The following SPIDR variants were observed in gnomAD, a reference collection of about 807,000 sequenced individuals.
The protein encoded by SPIDR is scaffold protein involved in DNA repair, also known as DNA repair-scaffolding protein.
SPIDR carries 93 observed loss-of-function variants against 104.6 expected under a neutral mutation model. The observed-to-expected ratio is 0.89, with a 90% CI of 0.75 to 1.06. The LOEUF (loss-of-function observed/expected upper bound fraction) is 1.06, where lower values mean the gene tolerates loss of function less well. Ranked by LOEUF, SPIDR falls within the 50% of genes least tolerant of loss-of-function variation. The pLI, the probability that SPIDR is intolerant of heterozygous loss-of-function variation, is 0.00. For synonymous variants in SPIDR, 431 were observed against 416.9 expected (o/e 1.03, Z -0.41); for missense variants, 1,154 against 1,111.2 (o/e 1.04, Z -0.55).
At chr8:47,352,693 G>A (rs1362138338) in intron 5 of SPIDR, among the ~76,000 whole-genome samples, 3 of 152,148 alleles carry the variant, frequency 2.0e-5, no homozygotes, top group African/African-American at 7.2e-5. Context: ...TATATAACAA[G>A]GATGGCATTC....
chr8:47,504,329 C>T lies in SPIDR; in HGVS notation c.1097+63787C>T, dbSNP rs894035398. ...TCCCATATTTCTTGGAGGCTTTGTT[C>T]GTTTCTTTTTTTTCTTTTTTCTCTA... On this transcript the variant is annotated intron_variant, in intron 8 of 19. Coordinates refer to ENST00000297423, the MANE Select transcript of SPIDR (RefSeq NM_001080394.4). 4.6e-5 allele frequency among the ~76,000 whole-genome samples: 7 copies of T among 152,084 alleles called. No individual in the cohort carries two copies. In the South Asian group the frequency reaches 6.2e-4, roughly 14 times the overall value.
At chr8:47,321,171 A>G (rs1259614062) in intron 5 of SPIDR, among the ~76,000 whole-genome samples, 1 of 152,210 alleles carries the variant, frequency 6.6e-6, no homozygotes, top group Non-Finnish European at 1.5e-5. Flanking sequence ...TTTGCAGATG[A>G]TACGATTGTA....
At chr8:47,318,246 T>C (rs1201565898) in intron 5 of SPIDR, among the ~76,000 whole-genome samples, 1 of 152,052 alleles carries the variant, frequency 6.6e-6, no homozygotes, top group Non-Finnish European at 1.5e-5. Context: ...GAGAAGTCCT[T>C]AAAGGACCTC....
At chr8:47,592,718 A>C in intron 8 of SPIDR, 1 of 585,944 alleles carries the variant, frequency 1.7e-6, no homozygotes, top group East Asian at 2.9e-5. Context: ...TTAATGTTTT[A>C]TCTGCATACA....
intron 5 of SPIDR, among the ~76,000 whole-genome samples, chr8:47,338,997 G>C (rs2050251449): frequency 6.6e-6 from 1 of 152,170 alleles, no homozygotes; most frequent in African/African-American, 2.4e-5. Context: ...TTGTAGTTTA[G>C]ATAAAAGTAC....
Position 47,279,755 on chromosome 8 carries a change from AT to A in SPIDR, c.34-106del. Reference sequence around the variant, plus strand: ...ACATTCAAAAACTATACCTTTACTGATGCCACTTCTAGGTTTTCAGATTGTA... The same window carrying A: ...ACATTCAAAAACTATACCTTTACTGAGCCACTTCTAGGTTTTCAGATTGTA... On this transcript the variant is annotated intron_variant, in intron 1 of 19. Coordinates refer to ENST00000297423, the MANE Select transcript of SPIDR (RefSeq NM_001080394.4). The A allele has an allele frequency of 2.7e-6, 3 of 1,125,134 alleles. No homozygotes were observed. In the South Asian group the frequency reaches 4.7e-5, roughly 17 times the overall value. 69.7% of individuals were successfully genotyped at this position (1,125,134 alleles called of 1,614,324 possible). A position where few individuals can be genotyped will look rare whatever the true frequency, so the allele number is the denominator to read the frequency against.
At chr8:47,451,683 C>G (rs1313201975) in intron 8 of SPIDR, among the ~76,000 whole-genome samples, 1 of 152,054 alleles carries the variant, frequency 6.6e-6, no homozygotes, top group Non-Finnish European at 1.5e-5. Context: ...AAATTGAACT[C>G]CTTCTGTCTG....
At position 47,440,363 on chromosome 8, in the gene SPIDR, G is replaced by A; in HGVS notation, c.918G>A (p.Leu306=). 4 of 1,614,180 alleles carry A rather than the reference G, an allele frequency of 2.5e-6. No individual in the cohort carries two copies. The highest frequency in any genetic ancestry group is 3.4e-6 in the Non-Finnish European group (4 of 1,180,016). ...SGVLTVKILE[L]HEECAMQVAM... ...TATTAACTGTGAAAATTTTAGAGCTGCATGAGGAATGTGCCATGCAAGTTG... is the reference window on the plus strand; with the variant it reads ...TATTAACTGTGAAAATTTTAGAGCTACATGAGGAATGTGCCATGCAAGTTG... Residue 306 remains leucine (L), a synonymous_variant, in exon 8 of 20, where the codon CTG becomes CTA. Transcript: ENST00000297423.
In SPIDR at chr8:47,702,010, C is replaced by G. The variant is rs751224747; in HGVS notation, c.1972C>G (p.Pro658Ala). 3.1e-6 allele frequency: 5 copies of G among 1,600,296 alleles called. No individual in the cohort carries two copies. The East Asian group carries it at 1.1e-4, about 36-fold the overall frequency. ...CTATGCCACGGTGATTTACCAAAAA[C>G]CACAGGTAATAATCTCTCTCAATCT... ...SFYATVIYQK[P>A]QLKSLLLLEQ... The change falls in exon 14 of 20, where the codon CCA becomes GCA. Residue 658 changes from proline to alanine, a missense_variant. By Grantham distance (27) the Pro-to-Ala change is conservative. Coordinates refer to ENST00000297423, the MANE Select transcript of SPIDR (RefSeq NM_001080394.4).
chr8:47,596,776 A>G (rs1346233953), intron 9 of SPIDR, among the ~76,000 whole-genome samples: 1 of 152,134 alleles, frequency 6.6e-6, no homozygotes, highest in Non-Finnish European at 1.5e-5. Context: ...TTACAACACA[A>G]ATACATTGTA....
At chr8:47,515,335 T>C (rs1220066022) in intron 8 of SPIDR, among the ~76,000 whole-genome samples, 2 of 152,256 alleles carry the variant, frequency 1.3e-5, no homozygotes, top group African/African-American at 2.4e-5. Flanking sequence ...CTTTTTTAAG[T>C]GTGTGTTCTC....
At chr8:47,464,010 A>G (rs1468217572) in intron 8 of SPIDR, among the ~76,000 whole-genome samples, 13 of 152,152 alleles carry the variant, frequency 8.5e-5, no homozygotes, top group African/African-American at 2.4e-4. Context: ...TGACCAAAGC[A>G]CTTAGGCAAG....
At position 47,447,990 on chromosome 8, in the gene SPIDR, A is replaced by G. The variant is rs141569824; in HGVS notation, c.1097+7448A>G. 1.0e-3 allele frequency among the ~76,000 whole-genome samples: 154 copies of G among 152,358 alleles called. 1 individual carries two copies. Among genetic ancestry groups the G allele is most frequent in the African/African-American group, 3.4e-3 (140 of 41,578 alleles). On this transcript the variant is annotated intron_variant, in intron 8 of 19. Coordinates refer to ENST00000297423, the MANE Select transcript of SPIDR (RefSeq NM_001080394.4). ...TAACTTTTATATGCAATGGGAAACAAAAATTCATGTGACTTGCTTTATTGT... is the reference window on the plus strand; with the variant it reads ...TAACTTTTATATGCAATGGGAAACAGAAATTCATGTGACTTGCTTTATTGT...
intron 6 of SPIDR, among the ~76,000 whole-genome samples, chr8:47,397,725 A>C (rs568165740): frequency 6.6e-6 from 1 of 152,198 alleles, no homozygotes; most frequent in East Asian, 1.9e-4. Flanking sequence ...ACACGGTTCA[A>C]GGAGTGACGA....
chr8:47,671,844 GCTT>G (rs1388481978), intron 10 of SPIDR, among the ~76,000 whole-genome samples: 1 of 152,086 alleles, frequency 6.6e-6, no homozygotes, highest in African/African-American at 2.4e-5. Context: ...TTATTTGTGT[GCTT>G]CTTGCTTTTA....
chr8:47,295,737 GA>G (rs2040727312), intron 5 of SPIDR, among the ~76,000 whole-genome samples: 1 of 152,094 alleles, frequency 6.6e-6, no homozygotes. Flanking sequence ...TAGCTATTGT[GA>G]ATAGCACTGC....
chr8:47,505,365 C>T (rs141463224), intron 8 of SPIDR, among the ~76,000 whole-genome samples: 3,302 of 152,302 alleles, frequency 0.022, 92 homozygotes, highest in East Asian at 0.08. Context: ...CTCGCTGCCG[C>T]CTTGCAGCTT....
intron 7 of SPIDR, among the ~76,000 whole-genome samples, chr8:47,422,344 A>G (rs782732908): frequency 6.6e-6 from 1 of 151,942 alleles, no homozygotes; most frequent in Non-Finnish European, 1.5e-5. Context: ...GCCCCCTTGC[A>G]GTTTGATTTC....
intron 8 of SPIDR, among the ~76,000 whole-genome samples, chr8:47,519,914 C>A (rs1252006918): frequency 1.3e-5 from 2 of 152,164 alleles, no homozygotes; most frequent in Non-Finnish European, 2.9e-5. Flanking sequence ...GGTATATGAT[C>A]AAAGACAACC....
Sources: gnomAD v4.1 joint callset for allele counts (sites outside exome capture counted in the v4.1 genomes callset) on GRCh38, gnomAD v4.1.1 for gene constraint, MANE v1.5 for transcripts, NCBI Gene and HGNC (gene_info 2026-07-23, HGNC 2026-07-21) for gene names.